The following UGT1A4 variants were observed in gnomAD, a reference collection of about 807,000 sequenced individuals.
UGT1A4 encodes UDP-glucuronosyltransferase 1A4.
In UGT1A4, 32 loss-of-function variants were observed where a neutral mutation model predicts 41.1. The observed-to-expected ratio is 0.78, with a 90% CI of 0.59 to 1.05. The LOEUF (loss-of-function observed/expected upper bound fraction) is 1.05. UGT1A4 is among the 50% of genes least tolerant of loss of function. The pLI is 0.00. For synonymous variants in UGT1A4, 283 were observed against 265.1 expected (o/e 1.07, Z -0.66); for missense variants, 748 against 677.4 (o/e 1.10, Z -1.16).
chr2:233,764,332 A>G (rs1422714629), intron 1 of UGT1A4, among the ~76,000 whole-genome samples: 2 of 152,124 alleles, frequency 1.3e-5, no homozygotes, highest in Non-Finnish European at 2.9e-5. Flanking sequence ...CAAGTAGGGG[A>G]TGGACTTCAC....
At chr2:233,768,744 G>A (rs903121977) in intron 4 of UGT1A4, among the ~76,000 whole-genome samples, 12 of 151,626 alleles carry the variant, frequency 7.9e-5, no homozygotes, top group African/African-American at 2.4e-4. Context: ...CACCACGCCC[G>A]GTTAATTTTT....
At position 233,769,466 on chromosome 2, in the gene UGT1A4, T is replaced by C. The variant is rs1023177408; in HGVS notation, c.1307+1027T>C. On this transcript the variant is annotated intron_variant, in intron 4 of 4. Coordinates refer to ENST00000373409, the MANE Select transcript of UGT1A4 (RefSeq NM_007120.3). The surrounding 1 kb of genome is among the most constrained non-coding windows in gnomAD (Gnocchi z 4.4). ...GTGCACACGTGTGCATTCATATGCG[T>C]GTGTGTGTGTGTGCGTGTGTTTATG... 86 of 1,281,398 alleles carry C rather than the reference T, an allele frequency of 6.7e-5. No homozygotes were observed. The South Asian group carries it at 1.2e-3, about 18-fold the overall frequency. 79.4% of individuals were successfully genotyped at this position (1,281,398 alleles called of 1,614,324 possible).
intron 1 of UGT1A4, among the ~76,000 whole-genome samples, chr2:233,722,639 G>C (rs1429567836): frequency 2.0e-5 from 3 of 152,192 alleles, no homozygotes; most frequent in South Asian, 2.1e-4. Flanking sequence ...TTGAGGGCTC[G>C]AGTAAAAGAT....
chr2:233,753,448 GCC>G (rs1695207775), intron 1 of UGT1A4: 1 of 152,160 alleles, frequency 6.6e-6, no homozygotes, highest in South Asian at 2.1e-4. Context: ...ATGTGTTCAG[GCC>G]ATGATTTTTC....
At chr2:233,721,339 A>G (rs1028958068) in intron 1 of UGT1A4, among the ~76,000 whole-genome samples, 3 of 152,110 alleles carry the variant, frequency 2.0e-5, no homozygotes, top group African/African-American at 7.2e-5. Context: ...TTCACTATGA[A>G]TATATTCTTT....
At chr2:233,735,916 G>A (rs182665210) in intron 1 of UGT1A4, among the ~76,000 whole-genome samples, 217 of 152,260 alleles carry the variant, frequency 1.4e-3, no homozygotes, top group South Asian at 0.012. Context: ...TGGGTAACCC[G>A]ACCTTTCTCT....
intron 1 of UGT1A4, chr2:233,744,007 G>A: frequency 8.6e-7 from 1 of 1,163,688 alleles, no homozygotes; most frequent in Non-Finnish European, 1.1e-6. Flanking sequence ...TCGGAGACCT[G>A]GGCCGCCTGG....
Position 233,767,926 on chromosome 2 carries a change from C to T in UGT1A4, c.1077C>T (p.Asn359=). 5.6e-6 allele frequency: 9 copies of T among 1,614,196 alleles called. No homozygotes were observed. Among genetic ancestry groups the T allele is most frequent in the South Asian group, 1.1e-5 (1 of 91,082 alleles). The change falls in exon 3 of 5, where the codon AAC becomes AAT. Residue 359 remains asparagine, a synonymous_variant. Coordinates refer to ENST00000373409, the MANE Select transcript of UGT1A4 (RefSeq NM_007120.3). The part of the protein sequence containing the change: ...NTILVKWLPQ[N]DLLGHPMTRA... The stretch of plus-strand genomic sequence containing the variant: ...TACTTGTTAAGTGGCTACCCCAAAA[C>T]GATCTGCTTGGTATGTTGGGCGGAT...
At chr2:233,727,715 G>T (rs2125728496) in intron 1 of UGT1A4, among the ~76,000 whole-genome samples, 1 of 152,312 alleles carries the variant, frequency 6.6e-6, no homozygotes, top group African/African-American at 2.4e-5. Context: ...CAAAGCCCTT[G>T]CAGACCTTCC....
chr2:233,749,850 T>C (rs1468602836), intron 1 of UGT1A4, among the ~76,000 whole-genome samples: 1 of 151,948 alleles, frequency 6.6e-6, no homozygotes. Flanking sequence ...TCTTTGCCTC[T>C]CTCTCACTTT....
chr2:233,734,394 G>A (rs574179934), intron 1 of UGT1A4, among the ~76,000 whole-genome samples: 7 of 152,088 alleles, frequency 4.6e-5, no homozygotes, highest in South Asian at 2.1e-4. Flanking sequence ...TTTTTATTGC[G>A]TCTATTTGAT....
chr2:233,743,851 C>A lies in UGT1A4; in HGVS notation c.868-23183C>A, dbSNP rs375874968. The A allele has an allele frequency of 4.4e-6, 6 of 1,367,244 alleles. No individual in the cohort carries two copies. The Admixed American group carries it at 1.1e-4, about 26-fold the overall frequency. The allele number at this position is 1,367,244 out of a possible 1,614,324, so 84.7% of individuals were successfully genotyped here. A position where few individuals can be genotyped will look rare whatever the true frequency, so the allele number is the denominator to read the frequency against. ...GCCACTTGAGCGCCAGCTTGCGGTA[C>A]GCCTTCTTGATGGCCTCGGATGAGG... is the stretch of plus-strand genomic sequence containing the variant. On this transcript the variant is annotated intron_variant, in intron 1 of 4. Transcript: ENST00000373409.
rs34757826 is a variant in UGT1A4, at chr2:233,757,460, G to C, written c.868-9574G>C. 9.5e-3 allele frequency among the ~76,000 whole-genome samples: 1,419 copies of C among 149,430 alleles called. 20 individuals carry two copies. The highest frequency in any genetic ancestry group is 0.033 in the African/African-American group (1,351 of 40,382). On this transcript the variant is annotated intron_variant, in intron 1 of 4. Coordinates refer to ENST00000373409, the MANE Select transcript of UGT1A4 (RefSeq NM_007120.3). ...TTCTATACAGAAACATGTCCAGAGC[G>C]CTTACTGTCTCCAAAACCATGGACT... is the stretch of plus-strand genomic sequence containing the variant.
At chr2:233,744,014 C>G (rs1692649024) in intron 1 of UGT1A4, 1 of 1,062,236 alleles carries the variant, frequency 9.4e-7, no homozygotes, top group Non-Finnish European at 1.2e-6. Context: ...CCTGGGCCGC[C>G]TGGAGAGACG....
chr2:233,742,301 A>C (rs1405327803), intron 1 of UGT1A4, among the ~76,000 whole-genome samples: 1 of 152,018 alleles, frequency 6.6e-6, no homozygotes, highest in Admixed American at 6.5e-5. Context: ...TTATAGATTA[A>C]CTAAAAGTAT....
intron 1 of UGT1A4, among the ~76,000 whole-genome samples, chr2:233,720,622 C>T (rs1468465541): frequency 1.3e-5 from 2 of 151,716 alleles, no homozygotes; most frequent in African/African-American, 4.8e-5. Context: ...ATTTGGGTTT[C>T]ATTGAAATAG....
At chr2:233,730,314 G>A (rs1295285736) in intron 1 of UGT1A4, among the ~76,000 whole-genome samples, 3 of 152,172 alleles carry the variant, frequency 2.0e-5, no homozygotes, top group Admixed American at 6.5e-5. Flanking sequence ...AGCTTGGCAG[G>A]AACAGGGACA....
rs3064744 is a variant in UGT1A4, at chr2:233,760,233, C to CAT, written c.868-6787_868-6786dup. 448,036 of 1,466,600 alleles carry CAT rather than the reference C, an allele frequency of 0.31. 31,217 individuals are homozygous for CAT. The highest frequency in any genetic ancestry group is 0.38 in the African/African-American group (27,001 of 71,942). The allele number at this position is 1,466,600 out of a possible 1,614,324, so 90.8% of individuals were successfully genotyped here. ...ACTTGGTGTATCGATTGGTTTTTGC[C>CAT]ATATATATATATATAAGTAGGAGAG... On this transcript the variant is annotated intron_variant, in intron 1 of 4. Coordinates refer to ENST00000373409, the MANE Select transcript of UGT1A4 (RefSeq NM_007120.3).
intron 1 of UGT1A4, among the ~76,000 whole-genome samples, chr2:233,735,445 G>A (rs1440470115): frequency 6.6e-6 from 1 of 152,036 alleles, no homozygotes; most frequent in Non-Finnish European, 1.5e-5. Flanking sequence ...GCATACCGAT[G>A]GGCCTTGACT....
Sources: gnomAD v4.1 joint callset for allele counts (sites outside exome capture counted in the v4.1 genomes callset) on GRCh38, gnomAD v4.1.1 for gene constraint, Gnocchi (gnomAD v3.1) non-coding constraint, MANE v1.5 for transcripts, NCBI Gene and HGNC (gene_info 2026-07-23, HGNC 2026-07-21) for gene names.